RUNX2: variants seen among roughly 807,000 people sequenced by gnomAD.
RUNX2 encodes the protein runt-related transcription factor 2.
A neutral mutation model predicts 51.7 loss-of-function variants in RUNX2; 10 were observed. The ratio of observed to expected loss-of-function variants is 0.19; its 90% confidence interval spans 0.12 to 0.33. The LOEUF (loss-of-function observed/expected upper bound fraction) is 0.33, where lower values mean the gene tolerates loss of function less well. RUNX2 is among the 10% of genes least tolerant of loss of function. The pLI, the probability that RUNX2 is intolerant of heterozygous loss-of-function variation, is 1.00. For missense variants in RUNX2, 562 were observed against 691.3 expected (o/e 0.81, Z 2.10); for synonymous variants, 276 against 273.6 (o/e 1.01, Z -0.09).
At chr6:45,478,643 TG>T (rs1800026025) in intron 5 of RUNX2, among the ~76,000 whole-genome samples, 1 of 143,678 alleles carries the variant, frequency 7.0e-6, no homozygotes, top group Non-Finnish European at 1.6e-5. Flanking sequence ...TGTAAATGTG[TG>T]TGTGTGTGTG....
intron 5 of RUNX2, among the ~76,000 whole-genome samples, chr6:45,483,612 T>A (rs1365935113): frequency 1.3e-5 from 2 of 152,216 alleles, no homozygotes; most frequent in East Asian, 3.9e-4. Flanking sequence ...GCTTACTGGA[T>A]GCCTACTGCA....
intron 5 of RUNX2, among the ~76,000 whole-genome samples, chr6:45,454,623 G>C (rs1799268237): frequency 6.6e-6 from 1 of 152,130 alleles, no homozygotes; most frequent in Non-Finnish European, 1.5e-5. Context: ...TCTAAATTGG[G>C]ACAAATTGCT....
rs765089321 is a variant in RUNX2 at position 45,547,120 on chromosome 6, G to C, written c.1381G>C (p.Gly461Arg). 24 of 1,613,974 alleles carry C rather than the reference G, an allele frequency of 1.5e-5. No individual in the cohort carries two copies. The East Asian group carries it at 5.3e-4, about 36-fold the overall frequency. ...SGSYQFPMVP[G>R]GDRSPSRMLP... ...ATCCTATCAGTTTCCCATGGTGCCG[G>C]GGGGAGACCGGTCTCCTTCCAGAAT... Residue 461 changes from glycine to arginine, a missense_variant, in exon 9 of 9, where the codon GGG (glycine) becomes CGG (arginine). This residue lies in a region of RUNX2 where 304 missense variants were observed against 353.2 expected (regional missense o/e 0.86). Transcript: ENST00000647337.
At chr6:45,475,441 C>G (rs1799930197) in intron 5 of RUNX2, among the ~76,000 whole-genome samples, 1 of 152,128 alleles carries the variant, frequency 6.6e-6, no homozygotes, top group Non-Finnish European at 1.5e-5. Flanking sequence ...ACTGTCTTAT[C>G]CCTGGCTCCA....
chr6:45,377,470 C>T (rs150659824), intron 2 of RUNX2: 3,045 of 152,426 alleles, frequency 0.02, 56 homozygotes, highest in South Asian at 0.085. Flanking sequence ...CCCCGCTTCT[C>T]AGCACAGCCC....
At chr6:45,515,188 A>G (rs553051410) in intron 7 of RUNX2, among the ~76,000 whole-genome samples, 74 of 152,308 alleles carry the variant, frequency 4.9e-4, no homozygotes, top group African/African-American at 1.7e-3. Context: ...GGGATACACA[A>G]AATATTCTCA....
chr6:45,466,816 A>C (rs1799641914), intron 5 of RUNX2, among the ~76,000 whole-genome samples: 1 of 152,206 alleles, frequency 6.6e-6, no homozygotes, highest in African/African-American at 2.4e-5. Flanking sequence ...TAGAGTTGTA[A>C]CAAAGGCTGC....
At chr6:45,407,889 A>G (rs1797870823) in intron 2 of RUNX2, among the ~76,000 whole-genome samples, 1 of 152,180 alleles carries the variant, frequency 6.6e-6, no homozygotes, top group Non-Finnish European at 1.5e-5. Context: ...AAATAAGTAC[A>G]TAAATTGAAA....
At chr6:45,420,472 G>A (rs1798156376) in intron 2 of RUNX2, among the ~76,000 whole-genome samples, 1 of 152,210 alleles carries the variant, frequency 6.6e-6, no homozygotes, top group African/African-American at 2.4e-5. Context: ...TATGTGAATT[G>A]CTTTAAATAA....
intron 5 of RUNX2, among the ~76,000 whole-genome samples, chr6:45,490,356 A>G (rs1168685698): frequency 6.6e-6 from 1 of 152,194 alleles, no homozygotes; most frequent in African/African-American, 2.4e-5. Context: ...GATGCCCAAA[A>G]ACTTGCACTG....
chr6:45,506,461 CAA>C (rs1168783399), intron 6 of RUNX2, among the ~76,000 whole-genome samples: 1 of 152,098 alleles, frequency 6.6e-6, no homozygotes, highest in Admixed American at 6.5e-5. Flanking sequence ...CCCAAGCACT[CAA>C]GAGTGAGTGC....
intron 6 of RUNX2, among the ~76,000 whole-genome samples, chr6:45,510,166 G>A (rs1210008318): frequency 6.6e-6 from 1 of 152,168 alleles, no homozygotes; most frequent in East Asian, 1.9e-4. Flanking sequence ...ACTCAGATTT[G>A]AAATGTTGCC....
intron 2 of RUNX2, among the ~76,000 whole-genome samples, chr6:45,408,854 G>C (rs1797891829): frequency 6.6e-6 from 1 of 152,178 alleles, no homozygotes; most frequent in Non-Finnish European, 1.5e-5. Flanking sequence ...CAATTACACT[G>C]ATGAACAGCT....
chr6:45,350,424 A>G (rs544118394), intron 2 of RUNX2, among the ~76,000 whole-genome samples: 1 of 152,352 alleles, frequency 6.6e-6, no homozygotes, highest in African/African-American at 2.4e-5. Context: ...AATTTGTAAT[A>G]CACACCATTT....
chr6:45,462,576 G>C (rs1799506697), intron 5 of RUNX2, among the ~76,000 whole-genome samples: 1 of 152,154 alleles, frequency 6.6e-6, no homozygotes, highest in African/African-American at 2.4e-5. Flanking sequence ...CTAGGACTCT[G>C]GTTTTAATGA....
rs539312663 is a variant in RUNX2, at chr6:45,478,201, C to T, written c.686-13740C>T. 2.8e-4 allele frequency among the ~76,000 whole-genome samples: 42 copies of T among 152,252 alleles called. No individual in the cohort carries two copies. The East Asian group carries it at 5.2e-3, about 19-fold the overall frequency. On this transcript the variant is annotated intron_variant, in intron 5 of 8. Coordinates refer to ENST00000647337, the MANE Select transcript of RUNX2 (RefSeq NM_001024630.4). ...TTCATACTTTAATTATATTATTTAT[C>T]ACACTGCTGTAATTATTTGTTTTTA...
At chr6:45,501,051 G>C (rs2150413049) in intron 6 of RUNX2, among the ~76,000 whole-genome samples, 1 of 152,322 alleles carries the variant, frequency 6.6e-6, no homozygotes, top group South Asian at 2.1e-4. Flanking sequence ...GTGTCATCTG[G>C]AGAGGTTGAA....
intron 5 of RUNX2, among the ~76,000 whole-genome samples, chr6:45,457,435 A>G (rs904964337): frequency 2.0e-5 from 3 of 152,164 alleles, no homozygotes; most frequent in South Asian, 2.1e-4. Flanking sequence ...GGTGGAAGGA[A>G]GATCCCATGT....
chr6:45,429,283 G>A (rs755800502), intron 3 of RUNX2, among the ~76,000 whole-genome samples: 7 of 151,970 alleles, frequency 4.6e-5, no homozygotes, highest in Non-Finnish European at 7.4e-5. Flanking sequence ...ATGCTTACTG[G>A]GTCCATATTT....
Sources: allele counts gnomAD v4.1 joint callset (sites outside exome capture counted in the v4.1 genomes callset), GRCh38; gene constraint gnomAD v4.1.1; regional missense constraint gnomAD v4.1.1; transcripts MANE v1.5; gene names NCBI Gene and HGNC (gene_info 2026-07-23, HGNC 2026-07-21).